C4orf51: variants seen among roughly 807,000 people sequenced by gnomAD.
The protein encoded by C4orf51 is uncharacterized protein C4orf51.
Under a neutral mutation model 25.2 loss-of-function variants are expected in C4orf51, and 25 were observed. The ratio of observed to expected loss-of-function variants is 0.99; its 90% CI spans 0.72 to 1.39. The LOEUF is 1.39. Ranked by LOEUF, C4orf51 falls within the 40% of genes most tolerant of loss-of-function variation. The pLI is 0.00. For missense variants in C4orf51, 252 were observed against 239.6 expected (o/e 1.05, Z -0.34); for synonymous variants, 100 against 84.5 (o/e 1.18, Z -1.01).
intron 2 of C4orf51, among the ~76,000 whole-genome samples, chr4:145,711,509 CT>C (rs1189508890): frequency 2.0e-5 from 3 of 151,914 alleles, no homozygotes; most frequent in Non-Finnish European, 2.9e-5. Flanking sequence ...CCTTCTGGTA[CT>C]TTCTTTCTCT....
At chr4:145,772,446 CT>C (rs1310187729), downstream of C4orf51, among the ~76,000 whole-genome samples, 2 of 152,176 alleles carry the variant, frequency 1.3e-5, no homozygotes, top group Non-Finnish European at 2.9e-5. Flanking sequence ...ACAGGAAACC[CT>C]TGCTGTGAGA....
At chr4:145,687,349 C>A (rs1729228683) in intron 1 of C4orf51, among the ~76,000 whole-genome samples, 1 of 152,070 alleles carries the variant, frequency 6.6e-6, no homozygotes, top group Non-Finnish European at 1.5e-5. Context: ...TCATGTTTTC[C>A]TAAAATGTAT....
chr4:145,685,653 C>A (rs531972210), intron 1 of C4orf51, among the ~76,000 whole-genome samples: 9 of 152,142 alleles, frequency 5.9e-5, no homozygotes, highest in Non-Finnish European at 1.3e-4. Flanking sequence ...TTAACATAAC[C>A]GATTAGGTCA....
downstream of C4orf51, among the ~76,000 whole-genome samples, chr4:145,772,656 T>C (rs1009017255): frequency 3.9e-5 from 6 of 152,232 alleles, no homozygotes; most frequent in Non-Finnish European, 8.8e-5. Flanking sequence ...ATATTTACTA[T>C]TTGCCCCTTT....
chr4:145,728,144 G>C (rs1415875186), intron 3 of C4orf51, among the ~76,000 whole-genome samples: 1 of 149,278 alleles, frequency 6.7e-6, no homozygotes, highest in African/African-American at 2.5e-5. Context: ...TTGAATATAC[G>C]TTTTTGTAGC....
chr4:145,764,805 A>G, intron 1 of C4orf51: 1 of 733,420 alleles, frequency 1.4e-6, no homozygotes, highest in South Asian at 1.7e-5. Flanking sequence ...ATCTGTTGAC[A>G]CCCTAGGGGG....
At chr4:145,735,216 T>A (rs1732740784), downstream of C4orf51, among the ~76,000 whole-genome samples, 1 of 152,186 alleles carries the variant, frequency 6.6e-6, no homozygotes, top group Non-Finnish European at 1.5e-5. Flanking sequence ...TGTTTGCTCC[T>A]CCTGAGTGCA....
In C4orf51 at chr4:145,709,350, T is replaced by C. The variant is rs1216461068; in HGVS notation, c.307+12718T>C. Among the ~76,000 whole-genome samples, 5 of 152,176 alleles carry C rather than the reference T, an allele frequency of 3.3e-5. No individual in the cohort carries two copies. The South Asian group carries it at 8.3e-4, about 25-fold the overall frequency. On this transcript the variant is annotated intron_variant, in intron 2 of 5. Coordinates refer to ENST00000438731, the MANE Select transcript of C4orf51 (RefSeq NM_001080531.3). ...ACAGGAACAAAAAGCATATGACAAG[T>C]CATAAGTTGCTGGCAGAGCCAGGGT...
intron 4 of C4orf51, among the ~76,000 whole-genome samples, chr4:145,729,559 C>T (rs1732341272): frequency 6.6e-6 from 1 of 152,144 alleles, no homozygotes; most frequent in African/African-American, 2.4e-5. Flanking sequence ...CCTTGGCCTC[C>T]CAAAGTGCTG....
chr4:145,761,054 G>A lies in C4orf51; in HGVS notation n.167-9934G>A. ...GCTGCCGACAGGGCCACGGTCTGCA[G>A]AGCCTGGGAGGCAGACATAACTGAC... On this transcript the variant is annotated intron_variant and non_coding_transcript_variant, in intron 1 of 1. Coordinates refer to the C4orf51 transcript ENST00000510096. The surrounding 1 kb of genome is among the most constrained non-coding windows in gnomAD (Gnocchi z 6.8). 1 of 1,288,914 alleles carries A rather than the reference G, an allele frequency of 7.8e-7. No individual in the cohort carries two copies. Among genetic ancestry groups the A allele is most frequent in the Non-Finnish European group, 1.0e-6 (1 of 988,228 alleles). The allele number at this position is 1,288,914 out of a possible 1,614,324, so 79.8% of individuals were successfully genotyped here.
chr4:145,768,118 A>G (rs186263082), intron 1 of C4orf51, among the ~76,000 whole-genome samples: 92 of 152,316 alleles, frequency 6.0e-4, no homozygotes, highest in Non-Finnish European at 7.5e-4. Context: ...TATACAACAT[A>G]TGAAGTGGTT....
chr4:145,738,154 A>T (rs1192531025), intron 1 of C4orf51, among the ~76,000 whole-genome samples: 2 of 152,174 alleles, frequency 1.3e-5, no homozygotes, highest in Non-Finnish European at 2.9e-5. Flanking sequence ...GATGCATATT[A>T]AAAATATACT....
chr4:145,752,465 C>T (rs942058295), intron 1 of C4orf51, among the ~76,000 whole-genome samples: 2 of 152,202 alleles, frequency 1.3e-5, no homozygotes, highest in Non-Finnish European at 2.9e-5. Flanking sequence ...CTGGAATCGG[C>T]GCCTTATGAC....
the C4orf51 span, among the ~76,000 whole-genome samples, chr4:145,777,745 A>G: frequency 6.6e-6 from 1 of 152,112 alleles, no homozygotes; most frequent in South Asian, 2.1e-4. Context: ...ATTCCTTAAG[A>G]TGACCATTAA....
intron 2 of C4orf51, among the ~76,000 whole-genome samples, chr4:145,715,106 C>G (rs1433001643): frequency 6.6e-6 from 1 of 152,170 alleles, no homozygotes; most frequent in African/African-American, 2.4e-5. Context: ...ATATGGAGAA[C>G]AGGCTACAGG....
intron 5 of C4orf51, 72 bp from the exon 6 acceptor site, chr4:145,732,381 T>TA: frequency 2.2e-6 from 2 of 911,012 alleles, no homozygotes; most frequent in Non-Finnish European, 3.5e-6. Context: ...AGAGACCATT[T>TA]AATTCCCAAT....
intron 3 of C4orf51, among the ~76,000 whole-genome samples, chr4:145,727,814 G>A (rs1732150609): frequency 6.8e-6 from 1 of 147,102 alleles, no homozygotes; most frequent in Non-Finnish European, 1.5e-5. Flanking sequence ...GCCGGGAGGT[G>A]GATGTTGCAG....
chr4:145,764,627 G>A (rs923438775), intron 1 of C4orf51: 7 of 223,348 alleles, frequency 3.1e-5, no homozygotes, highest in South Asian at 7.2e-5. Flanking sequence ...GGTGAATCTC[G>A]GTCACAGTAT....
chr4:145,749,482 CT>C (rs906804261), intron 1 of C4orf51, among the ~76,000 whole-genome samples: 3 of 149,898 alleles, frequency 2.0e-5, no homozygotes, highest in Admixed American at 6.6e-5. Flanking sequence ...GGTCTTCCTT[CT>C]TTTTTTTTCA....
Sources: gnomAD v4.1 joint callset for allele counts (sites outside exome capture counted in the v4.1 genomes callset) on GRCh38, gnomAD v4.1.1 for gene constraint, Gnocchi (gnomAD v3.1) non-coding constraint, MANE v1.5 for transcripts, NCBI Gene and HGNC (gene_info 2026-07-23, HGNC 2026-07-21) for gene names.